The following GRIN2A variants were observed in gnomAD, a reference collection of about 807,000 sequenced individuals.
The protein encoded by GRIN2A is glutamate ionotropic receptor NMDA type subunit 2A.
Under a neutral mutation model 113.4 loss-of-function variants are expected in GRIN2A, and 22 were observed. The ratio of observed to expected loss-of-function variants is 0.19; its 90% CI spans 0.14 to 0.28. GRIN2A has a LOEUF of 0.28. Ranked by LOEUF, GRIN2A falls within the 10% of genes least tolerant of loss-of-function variation. The pLI is 1.00. For synonymous variants in GRIN2A, 827 were observed against 738.4 expected, an observed-to-expected ratio of 1.12 and a Z score of -1.94; for missense variants, 1,502 against 1,887.0, an observed-to-expected ratio of 0.80 and a Z score of 3.78.
intron 2 of GRIN2A, among the ~76,000 whole-genome samples, chr16:10,138,169 A>T (rs1357815739): frequency 6.6e-6 from 1 of 152,228 alleles, no homozygotes; most frequent in African/African-American, 2.4e-5. Flanking sequence ...GGCTGTTTCC[A>T]TCAAGCCTAA....
intron 4 of GRIN2A, among the ~76,000 whole-genome samples, chr16:9,872,651 G>T (rs1484803881): frequency 6.6e-6 from 1 of 152,140 alleles, no homozygotes; most frequent in Non-Finnish European, 1.5e-5. Flanking sequence ...CCATAAAAAA[G>T]AATCCAATCA....
chr16:9,899,678 A>T (rs1174400878), intron 3 of GRIN2A, among the ~76,000 whole-genome samples: 1 of 152,092 alleles, frequency 6.6e-6, no homozygotes, highest in Non-Finnish European at 1.5e-5. Flanking sequence ...TAGGACACAA[A>T]ATAGAAATCT....
chr16:9,999,668 A>G (rs1260950424), intron 2 of GRIN2A, among the ~76,000 whole-genome samples: 1 of 152,098 alleles, frequency 6.6e-6, no homozygotes, highest in Non-Finnish European at 1.5e-5. Flanking sequence ...GCAGCAGACC[A>G]CCATCACATG....
At chr16:9,880,489 A>G (rs536751087) in intron 4 of GRIN2A, among the ~76,000 whole-genome samples, 38 of 152,328 alleles carry the variant, frequency 2.5e-4, no homozygotes, top group South Asian at 1.0e-3. Flanking sequence ...GCTCGCCCCA[A>G]TAATCTCCTT....
chr16:10,127,733 C>T (rs1160239411), intron 2 of GRIN2A, among the ~76,000 whole-genome samples: 27 of 152,214 alleles, frequency 1.8e-4, no homozygotes, highest in Non-Finnish European at 3.1e-4. Flanking sequence ...GCACTGGAAG[C>T]AAGAAAAGGG....
intron 2 of GRIN2A, among the ~76,000 whole-genome samples, chr16:10,048,769 G>A (rs1176613863): frequency 6.6e-6 from 1 of 152,116 alleles, no homozygotes; most frequent in Non-Finnish European, 1.5e-5. Context: ...GTGCCACAGG[G>A]GCTCAAAATG....
chr16:9,986,739 C>G (rs1443924124), intron 2 of GRIN2A, among the ~76,000 whole-genome samples: 2 of 144,356 alleles, frequency 1.4e-5, no homozygotes, highest in Admixed American at 1.4e-4. Flanking sequence ...CACTCCAACC[C>G]AGGCAACAGT....
chr16:10,071,346 T>A (rs1425496594), intron 2 of GRIN2A, among the ~76,000 whole-genome samples: 1 of 152,168 alleles, frequency 6.6e-6, no homozygotes, highest in Non-Finnish European at 1.5e-5. Flanking sequence ...ACAGATCCAG[T>A]TGAAGTAAGG....
intron 11 of GRIN2A, among the ~76,000 whole-genome samples, chr16:9,777,943 T>G (rs1017559379): frequency 3.3e-5 from 5 of 152,164 alleles, no homozygotes; most frequent in African/African-American, 1.2e-4. Context: ...TGGGCGCCTG[T>G]AATCCCAGCT....
chr16:10,112,270 A>G (rs113366903), intron 2 of GRIN2A: 3 of 640,612 alleles, frequency 4.7e-6, no homozygotes, highest in African/African-American at 1.8e-5. Flanking sequence ...CTCCACCTCC[A>G]GGTGATTGGG....
chr16:9,954,784 C>G (rs981156404), intron 2 of GRIN2A, among the ~76,000 whole-genome samples: 14 of 152,310 alleles, frequency 9.2e-5, no homozygotes, highest in African/African-American at 3.4e-4. Context: ...CACTCAAGTC[C>G]TCTCCAGACT....
chr16:10,020,423 G>T (rs1257400656), intron 2 of GRIN2A, among the ~76,000 whole-genome samples: 1 of 152,140 alleles, frequency 6.6e-6, no homozygotes, highest in Non-Finnish European at 1.5e-5. Flanking sequence ...GAAGTCAATT[G>T]CATAAAAAAC....
At chr16:9,950,720 C>G (rs1395124797) in intron 2 of GRIN2A, among the ~76,000 whole-genome samples, 1 of 152,208 alleles carries the variant, frequency 6.6e-6, no homozygotes, top group East Asian at 1.9e-4. Flanking sequence ...TAAGACACAT[C>G]TAGGTCCAAA....
intron 2 of GRIN2A, among the ~76,000 whole-genome samples, chr16:10,066,140 T>A (rs1416617995): frequency 6.6e-6 from 1 of 152,218 alleles, no homozygotes; most frequent in African/African-American, 2.4e-5. Context: ...ATGCTCTTCA[T>A]CACGGCAGAA....
chr16:9,948,387 G>A (rs1184598669), intron 2 of GRIN2A, among the ~76,000 whole-genome samples: 2 of 152,168 alleles, frequency 1.3e-5, no homozygotes, highest in Non-Finnish European at 2.9e-5. Context: ...CTCCCGAGTG[G>A]CATCAGTTGC....
intron 2 of GRIN2A, among the ~76,000 whole-genome samples, chr16:10,091,667 A>T (rs1032792285): frequency 6.6e-6 from 1 of 152,210 alleles, no homozygotes; most frequent in Non-Finnish European, 1.5e-5. Context: ...ATATCCAGAT[A>T]ATGGAATGTT....
At chr16:9,884,305 T>C (rs796997153) in intron 4 of GRIN2A, among the ~76,000 whole-genome samples, 1 of 152,130 alleles carries the variant, frequency 6.6e-6, no homozygotes, top group South Asian at 2.1e-4. Context: ...TCCCAGCACA[T>C]TGGGAAGCTG....
At chr16:10,100,528 T>A (rs1032656679) in intron 2 of GRIN2A, among the ~76,000 whole-genome samples, 1 of 152,172 alleles carries the variant, frequency 6.6e-6, no homozygotes, top group Admixed American at 6.5e-5. Flanking sequence ...CACCTCCCAG[T>A]GAAATGAGAT....
In GRIN2A at chr16:9,754,420, T is replaced by A. The variant is rs1362658033; in HGVS notation, c.*8729A>T. The A allele has an allele frequency of 9.5e-6, 2 of 210,718 alleles. No individual in the cohort carries two copies. The highest frequency in any genetic ancestry group is 1.9e-5 in the Non-Finnish European group (2 of 103,828). The allele number at this position is 210,718 out of a possible 1,614,324, so 13.1% of individuals were successfully genotyped here. A position where few individuals can be genotyped will look rare whatever the true frequency, so the allele number is the denominator to read the frequency against. ...TATGAAAATGTTATTCTTGAACTTA[T>A]ATCTTAAGTAGGCAATTAGCATCCC... is the stretch of plus-strand genomic sequence containing the variant. On this transcript the variant is annotated 3_prime_UTR_variant, in exon 13 of 13. Coordinates refer to ENST00000330684, the MANE Select transcript of GRIN2A (RefSeq NM_001134407.3).
Sources: gnomAD v4.1 joint callset for allele counts (sites outside exome capture counted in the v4.1 genomes callset) on GRCh38, gnomAD v4.1.1 for gene constraint, MANE v1.5 for transcripts, NCBI Gene and HGNC (gene_info 2026-07-23, HGNC 2026-07-21) for gene names.